Variants in ADRA1D observed in about 807,000 individuals in gnomAD.
ADRA1D encodes adrenoceptor alpha 1D.
A neutral mutation model predicts 18.6 loss-of-function variants in ADRA1D; 22 were observed. That is an observed-to-expected ratio of 1.19 (90% confidence interval 0.85 to 1.69). The LOEUF (loss-of-function observed/expected upper bound fraction) is 1.69. Among genes scored for constraint, ADRA1D ranks in the 40% most tolerant of loss-of-function variants. The pLI is 0.00. For synonymous variants in ADRA1D, 376 were observed against 388.2 expected, an observed-to-expected ratio of 0.97 and a Z score of 0.37; for missense variants, 840 against 840.7, an observed-to-expected ratio of 1.00 and a Z score of 0.01.
intron 1 of ADRA1D, among the ~76,000 whole-genome samples, chr20:4,231,307 CAG>C (rs1209143928): frequency 9.0e-6 from 1 of 110,562 alleles, no homozygotes; most frequent in African/African-American, 3.3e-5. Flanking sequence ...TTTGTAAAGA[CAG>C]GGTCTTGCTC....
chr20:4,236,086 C>G (rs773449130), intron 1 of ADRA1D, among the ~76,000 whole-genome samples: 1 of 152,188 alleles, frequency 6.6e-6, no homozygotes, highest in Non-Finnish European at 1.5e-5. Flanking sequence ...ACATGGCTTC[C>G]AACTATGGCC....
intron 1 of ADRA1D, among the ~76,000 whole-genome samples, chr20:4,233,153 T>C (rs1191416243): frequency 6.6e-6 from 1 of 151,902 alleles, no homozygotes; most frequent in Non-Finnish European, 1.5e-5. Flanking sequence ...TAAAATAAAA[T>C]ATTTATTTTT....
chr20:4,231,726 C>T (rs1312504190), intron 1 of ADRA1D, among the ~76,000 whole-genome samples: 4 of 152,110 alleles, frequency 2.6e-5, no homozygotes, highest in African/African-American at 9.7e-5. Flanking sequence ...CCCTTAGGGT[C>T]AGGACATGCA....
At position 4,226,135 on chromosome 20, in the gene ADRA1D, T is replaced by C. The variant is rs903609484; in HGVS notation, c.1112-4005A>G. Among the ~76,000 whole-genome samples, 11 of 152,378 alleles carry C rather than the reference T, an allele frequency of 7.2e-5. No homozygotes were observed. In the South Asian group the frequency reaches 1.2e-3, roughly 17 times the overall value. Reference sequence around the variant, plus strand: ...GGGCATTGTTATTGCATGGTTTTTATTCAGACTGGTGGGCAACATGGCATA... The same window carrying C: ...GGGCATTGTTATTGCATGGTTTTTACTCAGACTGGTGGGCAACATGGCATA... On this transcript the variant is annotated intron_variant, in intron 1 of 1. Transcript: ENST00000379453.
At chr20:4,241,202 A>T (rs1421727250) in intron 1 of ADRA1D, among the ~76,000 whole-genome samples, 1 of 152,166 alleles carries the variant, frequency 6.6e-6, no homozygotes, top group Non-Finnish European at 1.5e-5. Context: ...AAAATACTCA[A>T]ATGCGTAGAC....
intron 1 of ADRA1D, among the ~76,000 whole-genome samples, chr20:4,240,568 T>C (rs1981189618): frequency 6.6e-6 from 1 of 152,058 alleles, no homozygotes; most frequent in Non-Finnish European, 1.5e-5. Context: ...CCGAGGTGGG[T>C]GGATCACCTG....
intron 1 of ADRA1D, among the ~76,000 whole-genome samples, chr20:4,230,053 T>C (rs1366824583): frequency 1.3e-5 from 2 of 152,150 alleles, no homozygotes; most frequent in African/African-American, 2.4e-5. Context: ...TTGCACTTTT[T>C]CCCCAGAATT....
At chr20:4,242,211 C>T (rs532228915) in intron 1 of ADRA1D, among the ~76,000 whole-genome samples, 1 of 152,364 alleles carries the variant, frequency 6.6e-6, no homozygotes, top group African/African-American at 2.4e-5. Flanking sequence ...CGCAGTATAA[C>T]ATCCATGAAA....
At chr20:4,223,893 A>G (rs1568762084) in intron 1 of ADRA1D, among the ~76,000 whole-genome samples, 1 of 136,762 alleles carries the variant, frequency 7.3e-6, no homozygotes, top group Non-Finnish European at 1.7e-5. Flanking sequence ...GATATTTTCA[A>G]TTTACAACAG....
In ADRA1D at chr20:4,221,895, G is replaced by A. The variant is rs1368748984; in HGVS notation, c.1347C>T (p.Cys449=). The change falls in exon 2 of 2, where the codon TGC becomes TGT. Residue 449 remains cysteine (C), a synonymous_variant. Coordinates refer to ENST00000379453, the MANE Select transcript of ADRA1D (RefSeq NM_000678.4). ...RASTSGLRQD[C]APSSGDAPPG... is the part of the protein sequence containing the mutation. ...GGGGCGCGTCGCCCGAACTCGGGGC[G>A]CAGTCCTGGCGCAGGCCGCTGGTGG... The A allele has an allele frequency of 1.3e-6, 2 of 1,502,084 alleles. No individual in the cohort carries two copies. Among genetic ancestry groups the A allele is most frequent in the Admixed American group, 2.2e-5 (1 of 46,122 alleles). The allele number at this position is 1,502,084 out of a possible 1,614,324, so 93.0% of individuals were successfully genotyped here.
In ADRA1D at chr20:4,221,489, G is replaced by A; in HGVS notation, c.*34C>T. The A allele has an allele frequency of 1.9e-6, 3 of 1,580,382 alleles. No homozygotes were observed. The highest frequency in any genetic ancestry group is 1.7e-6 in the Non-Finnish European group (2 of 1,158,584). ...CCTCTCTGGTCCCCCTTACCCCCAAGCCCAGCACACTCCGCGGCCTAGCTC... is the reference window on the plus strand; with the variant it reads ...CCTCTCTGGTCCCCCTTACCCCCAAACCCAGCACACTCCGCGGCCTAGCTC... On this transcript the variant is annotated 3_prime_UTR_variant, in exon 2 of 2. Transcript: ENST00000379453.
chr20:4,241,758 T>G (rs1276671254), intron 1 of ADRA1D, among the ~76,000 whole-genome samples: 1 of 152,184 alleles, frequency 6.6e-6, no homozygotes, highest in Non-Finnish European at 1.5e-5. Context: ...CTTTAGCACC[T>G]GGCCGACTCT....
chr20:4,243,164 A>G (rs1451207137), intron 1 of ADRA1D, among the ~76,000 whole-genome samples: 11 of 152,108 alleles, frequency 7.2e-5, no homozygotes, highest in Admixed American at 7.2e-4. Context: ...TTCTTGCACG[A>G]AGCTTCTCAG....
At chr20:4,232,086 G>GTATTTT (rs144002629) in intron 1 of ADRA1D, among the ~76,000 whole-genome samples, 2,484 of 152,264 alleles carry the variant, frequency 0.016, 58 homozygotes, top group African/African-American at 0.057. Context: ...CTAATTTTCT[G>GTATTTT]TATTTTTAGT....
chr20:4,222,016 A>G lies in ADRA1D; in HGVS notation c.1226T>C (p.Phe409Ser). 1 of 1,603,874 alleles carries G rather than the reference A, an allele frequency of 6.2e-7. No homozygotes were observed. The highest frequency in any genetic ancestry group is 8.5e-7 in the Non-Finnish European group (1 of 1,175,016). The change falls in exon 2 of 2, where the codon TTC becomes TCC. Residue 409 changes from phenylalanine to serine, a missense_variant. Phe to Ser is a radical substitution (Grantham distance 155). Transcript: ENST00000379453. The surrounding 1 kb of genome is among the most constrained non-coding windows in gnomAD (Gnocchi z 4.3). ...PLIYPCSSRE[F>S]KRAFLRLLRC... The stretch of plus-strand genomic sequence containing the variant: ...CAGGAGACGGAGGAAGGCGCGCTTG[A>G]ACTCGCGGCTGGAACAGGGGTAGAT...
In ADRA1D at chr20:4,241,641, C is replaced by T. The variant is rs186837649; in HGVS notation, c.1111+6206G>A. Among the ~76,000 whole-genome samples the T allele has an allele frequency of 4.1e-3, 626 of 152,152 alleles. 3 individuals are homozygous for T. Among genetic ancestry groups the T allele is most frequent in the Non-Finnish European group, 3.5e-3 (235 of 68,004 alleles). On this transcript the variant is annotated intron_variant, in intron 1 of 1. Transcript: ENST00000379453. ...CAGCCCTTTCTTCAGGCTTTTGGGC[C>T]GGGAGACAATGATGCCATTACTGAA...
At position 4,248,425 on chromosome 20, in the gene ADRA1D, A is replaced by T; in HGVS notation, c.533T>A (p.Leu178Gln). The T allele has an allele frequency of 6.2e-7, 1 of 1,611,352 alleles. No individual in the cohort carries two copies. Among genetic ancestry groups the T allele is most frequent in the African/African-American group, 1.3e-5 (1 of 75,016 alleles). Residue 178 changes from leucine (L) to glutamine (Q), a missense_variant, in exon 1 of 2, where the codon CTG becomes CAG. Physicochemically the swap from Leu to Gln is moderately radical, Grantham distance 113 (BLOSUM62 -2). Coordinates refer to ENST00000379453, the MANE Select transcript of ADRA1D (RefSeq NM_000678.4). ...FCDVWAAVDV[L>Q]CCTASILSLC... Reference sequence around the variant, plus strand: ...GCTGAGGATGGAGGCCGTGCAGCACAGCACGTCCACGGCGGCCCATACGTC... The same window carrying T: ...GCTGAGGATGGAGGCCGTGCAGCACTGCACGTCCACGGCGGCCCATACGTC...
At chr20:4,241,983 C>T (rs1314453466) in intron 1 of ADRA1D, among the ~76,000 whole-genome samples, 5 of 152,180 alleles carry the variant, frequency 3.3e-5, no homozygotes, top group Admixed American at 3.3e-4. Context: ...ATGCATGCAC[C>T]AATGTCATCA....
chr20:4,237,902 G>A (rs575544462), intron 1 of ADRA1D, among the ~76,000 whole-genome samples: 1 of 148,538 alleles, frequency 6.7e-6, no homozygotes, highest in East Asian at 2.0e-4. Flanking sequence ...GGCTGGTCTC[G>A]AAATCCTGAC....
Sources: allele counts gnomAD v4.1 joint callset (sites outside exome capture counted in the v4.1 genomes callset), GRCh38; gene constraint gnomAD v4.1.1; non-coding constraint Gnocchi (gnomAD v3.1); transcripts MANE v1.5; gene names NCBI Gene and HGNC (gene_info 2026-07-23, HGNC 2026-07-21).